Variants in TMEM132B observed in about 807,000 individuals in gnomAD.
TMEM132B encodes transmembrane protein 132B.
In TMEM132B, 18 loss-of-function variants were observed where a neutral mutation model predicts 90.8. The observed-to-expected ratio is 0.20, with a 90% CI of 0.14 to 0.29. The LOEUF is 0.29. Among genes scored for constraint, TMEM132B ranks in the 10% least tolerant of loss-of-function variants. The pLI, the probability that TMEM132B is intolerant of heterozygous loss-of-function variation, is 1.00. For missense variants in TMEM132B, 1,096 were observed against 1,326.8 expected (o/e 0.83, Z 2.70); for synonymous variants, 504 against 523.3 (o/e 0.96, Z 0.50).
At chr12:125,232,147 T>C (rs1363498460) in intron 1 of TMEM132B, among the ~76,000 whole-genome samples, 1 of 152,216 alleles carries the variant, frequency 6.6e-6, no homozygotes, top group Non-Finnish European at 1.5e-5. Flanking sequence ...TATTATAATT[T>C]ATTTTAAAAA....
intron 6 of TMEM132B, among the ~76,000 whole-genome samples, chr12:125,648,073 TC>T (rs1440638661): frequency 1.2e-5 from 1 of 85,904 alleles, no homozygotes; most frequent in East Asian, 3.5e-4. Context: ...CCCATCACAG[TC>T]CCCAGAGTGT....
chr12:125,532,413 C>T (rs1487981816), intron 4 of TMEM132B, among the ~76,000 whole-genome samples: 1 of 152,108 alleles, frequency 6.6e-6, no homozygotes, highest in Non-Finnish European at 1.5e-5. Flanking sequence ...AATTGTCCTG[C>T]TTGTTGGGTG....
At chr12:125,373,710 C>T (rs1266933683) in intron 2 of TMEM132B, among the ~76,000 whole-genome samples, 2 of 152,218 alleles carry the variant, frequency 1.3e-5, no homozygotes, top group African/African-American at 2.4e-5. Flanking sequence ...CTTAATGTCC[C>T]TTACCCTTGT....
intron 4 of TMEM132B, among the ~76,000 whole-genome samples, chr12:125,552,376 G>A (rs1451840795): frequency 6.6e-6 from 1 of 152,206 alleles, no homozygotes; most frequent in South Asian, 2.1e-4. Flanking sequence ...CAGAGACAGA[G>A]GGGGGTGCCC....
intron 3 of TMEM132B, among the ~76,000 whole-genome samples, chr12:125,439,629 C>T (rs1158490437): frequency 6.6e-6 from 1 of 152,204 alleles, no homozygotes; most frequent in Non-Finnish European, 1.5e-5. Context: ...GATAGTTTGA[C>T]TTCCTCTCTT....
chr12:125,380,162 G>A (rs1003127137), intron 2 of TMEM132B, among the ~76,000 whole-genome samples: 1 of 152,136 alleles, frequency 6.6e-6, no homozygotes, highest in Admixed American at 6.5e-5. Context: ...GGCAGGGTAG[G>A]TTCCTTCTTC....
intron 4 of TMEM132B, among the ~76,000 whole-genome samples, chr12:125,558,371 A>G (rs1884443424): frequency 6.6e-6 from 1 of 152,212 alleles, no homozygotes; most frequent in Non-Finnish European, 1.5e-5. Context: ...AGTTTGACCC[A>G]AGGCAGAATT....
intron 2 of TMEM132B, among the ~76,000 whole-genome samples, chr12:125,357,305 G>A (rs1334704814): frequency 2.0e-5 from 3 of 152,182 alleles, no homozygotes; most frequent in African/African-American, 4.8e-5. Flanking sequence ...CAAACAATGG[G>A]CTATGCCAGT....
At chr12:125,469,051 A>C (rs926514149) in intron 3 of TMEM132B, among the ~76,000 whole-genome samples, 3 of 152,080 alleles carry the variant, frequency 2.0e-5, no homozygotes, top group African/African-American at 7.2e-5. Context: ...TTTCCTTTCC[A>C]ATTTGGATGC....
chr12:125,595,541 G>T (rs768372378), intron 5 of TMEM132B, among the ~76,000 whole-genome samples: 1 of 152,088 alleles, frequency 6.6e-6, no homozygotes, highest in African/African-American at 2.4e-5. Flanking sequence ...TCATATATTA[G>T]GTTGGTGCAA....
rs550673137 is a variant in TMEM132B, at chr12:125,644,753, C to T, written c.1643+472C>T. ...GTTGTTCCCCACCACCATCCCGCGC[C>T]GGGCAAGACTCTTCCTTTTTTTGCC... On this transcript the variant is annotated intron_variant, in intron 6 of 8. Transcript: ENST00000682704. 1.4e-3 allele frequency among the ~76,000 whole-genome samples: 217 copies of T among 152,218 alleles called. 1 individual carries two copies. The highest frequency in any genetic ancestry group is 4.7e-3 in the African/African-American group (196 of 41,524).
At chr12:125,354,077 A>C (rs1212051413) in intron 2 of TMEM132B, among the ~76,000 whole-genome samples, 1 of 152,186 alleles carries the variant, frequency 6.6e-6, no homozygotes, top group East Asian at 1.9e-4. Flanking sequence ...TAGGGAACCC[A>C]CCAAGATTTT....
At chr12:125,351,514 A>T (rs944549407) in intron 2 of TMEM132B, among the ~76,000 whole-genome samples, 7 of 152,250 alleles carry the variant, frequency 4.6e-5, no homozygotes, top group African/African-American at 1.2e-4. Flanking sequence ...CAAGAGACTG[A>T]GACAACATAA....
At chr12:125,478,695 T>C (rs1881957319) in intron 3 of TMEM132B, among the ~76,000 whole-genome samples, 1 of 152,154 alleles carries the variant, frequency 6.6e-6, no homozygotes, top group Non-Finnish European at 1.5e-5. Context: ...CTTCAGGATA[T>C]TATCGAGGAG....
At chr12:125,623,375 AG>A (rs1593028261) in intron 5 of TMEM132B, among the ~76,000 whole-genome samples, 1 of 152,298 alleles carries the variant, frequency 6.6e-6, no homozygotes, top group East Asian at 1.9e-4. Flanking sequence ...TTGACTATAA[AG>A]GTAGAATCAA....
chr12:125,193,938 A>G (rs932232206), intron 1 of TMEM132B, among the ~76,000 whole-genome samples: 7 of 152,232 alleles, frequency 4.6e-5, no homozygotes, highest in Admixed American at 4.6e-4. Context: ...CTGCTCCACC[A>G]GCTGTGTGGC....
intron 3 of TMEM132B, among the ~76,000 whole-genome samples, chr12:125,472,622 G>C (rs1881753407): frequency 1.3e-5 from 2 of 152,162 alleles, no homozygotes; most frequent in Admixed American, 6.5e-5. Context: ...TTCTTAATGT[G>C]ATGGTCTTCA....
In TMEM132B at chr12:125,408,718, C is replaced by A. The variant is rs868093173; in HGVS notation, c.960-6813C>A. Among the ~76,000 whole-genome samples the A allele has an allele frequency of 6.6e-6, 1 of 152,140 alleles. No homozygotes were observed. Among genetic ancestry groups the A allele is most frequent in the Non-Finnish European group, 1.5e-5 (1 of 68,030 alleles). On this transcript the variant is annotated intron_variant, in intron 2 of 8. Coordinates refer to ENST00000682704, the MANE Select transcript of TMEM132B (RefSeq NM_001366854.1). The surrounding 1 kb of genome is among the most constrained non-coding windows in gnomAD (Gnocchi z 5.9). ...TCTTGGGGAACAGGTGCATGTGTTT[C>A]TGTTGGGCATAAACCGAGGAGTGGC...
intron 3 of TMEM132B, among the ~76,000 whole-genome samples, chr12:125,475,280 T>C (rs905267681): frequency 6.6e-6 from 1 of 152,212 alleles, no homozygotes; most frequent in Admixed American, 6.5e-5. Flanking sequence ...TATAATATTT[T>C]ATTTATAGCA....
Sources: allele counts gnomAD v4.1 joint callset (sites outside exome capture counted in the v4.1 genomes callset), GRCh38; gene constraint gnomAD v4.1.1; non-coding constraint Gnocchi (gnomAD v3.1); transcripts MANE v1.5; gene names NCBI Gene and HGNC (gene_info 2026-07-23, HGNC 2026-07-21).